Variants in ARIH1 observed in about 807,000 individuals in gnomAD.
The protein encoded by ARIH1 is E3 ubiquitin-protein ligase ARIH1.
ARIH1 carries 8 observed loss-of-function variants against 85.0 expected under a neutral mutation model. The observed-to-expected ratio is 0.09, with a 90% CI of 0.06 to 0.17. The LOEUF is 0.17. Ranked by LOEUF, ARIH1 falls within the 10% of genes least tolerant of loss-of-function variation. The pLI, the probability that ARIH1 is intolerant of heterozygous loss-of-function variation, is 1.00. For synonymous variants in ARIH1, 238 were observed against 253.6 expected (o/e 0.94, Z 0.59); for missense variants, 311 against 718.1 (o/e 0.43, Z 6.48).
At chr15:72,521,275 A>AGAATATATCCTGTAATATAAATTGTTTC (rs2063998816) in intron 2 of ARIH1, among the ~76,000 whole-genome samples, 1 of 124,018 alleles carries the variant, frequency 8.1e-6, no homozygotes, top group East Asian at 2.5e-4. Context: ...TGTTTTTCTT[A>AGAATATATCCTGTAATATAAATTGTTTC]GAATATATCC....
At chr15:72,520,338 C>G (rs1209697230) in intron 2 of ARIH1, among the ~76,000 whole-genome samples, 1 of 150,966 alleles carries the variant, frequency 6.6e-6, no homozygotes, top group Non-Finnish European at 1.5e-5. Flanking sequence ...ATGTTGTCTG[C>G]TATTAGCACT....
At chr15:72,529,695 C>T (rs767934667) in intron 2 of ARIH1, among the ~76,000 whole-genome samples, 1 of 152,028 alleles carries the variant, frequency 6.6e-6, no homozygotes, top group Non-Finnish European at 1.5e-5. Flanking sequence ...TGAGGTGTGG[C>T]ATTTGATTGG....
At chr15:72,516,813 C>T (rs766434650) in intron 1 of ARIH1, among the ~76,000 whole-genome samples, 7 of 152,162 alleles carry the variant, frequency 4.6e-5, no homozygotes, top group Non-Finnish European at 8.8e-5. Context: ...TAGCTAACTA[C>T]GGTCTGCTTG....
rs548218462 is a variant in ARIH1, at chr15:72,520,369, A to T, written c.443+2235A>T. On this transcript the variant is annotated intron_variant, in intron 2 of 13. Transcript: ENST00000379887. The stretch of plus-strand genomic sequence containing the variant: ...GCACTGCCACACTTTTTTTTTTTTT[A>T]AAGCATTTGACTGATGTATCTTTTC... 2.2e-4 allele frequency among the ~76,000 whole-genome samples: 33 copies of T among 147,660 alleles called. No homozygotes were observed. The East Asian group carries it at 5.7e-3, about 26-fold the overall frequency.
chr15:72,476,754 C>G (rs557247179), intron 1 of ARIH1, among the ~76,000 whole-genome samples: 1 of 152,132 alleles, frequency 6.6e-6, no homozygotes, highest in Non-Finnish European at 1.5e-5. Context: ...CAACAAAATG[C>G]GAACTGTAGT....
chr15:72,554,714 T>C (rs1263057694), intron 3 of ARIH1, among the ~76,000 whole-genome samples: 1 of 152,140 alleles, frequency 6.6e-6, no homozygotes, highest in Non-Finnish European at 1.5e-5. Flanking sequence ...ATAGCTGTTC[T>C]AGTGAGGGTG....
At chr15:72,498,960 A>AT (rs1567340058) in intron 1 of ARIH1, among the ~76,000 whole-genome samples, 1 of 131,208 alleles carries the variant, frequency 7.6e-6, no homozygotes, top group African/African-American at 3.0e-5. Context: ...CCTTTTCATA[A>AT]ATTTTTTTTT....
At chr15:72,559,618 A>G (rs1396127738) in intron 5 of ARIH1, among the ~76,000 whole-genome samples, 1 of 152,152 alleles carries the variant, frequency 6.6e-6, no homozygotes, top group South Asian at 2.1e-4. Flanking sequence ...TAGTATATAC[A>G]TAATATTATT....
Position 72,585,106 on chromosome 15 carries a change from C to T in ARIH1, c.*1814C>T, listed in dbSNP as rs989748120. On this transcript the variant is annotated 3_prime_UTR_variant, in exon 14 of 14. Coordinates refer to ENST00000379887, the MANE Select transcript of ARIH1 (RefSeq NM_005744.5). ...CTAAGTTAGGCTTTGCTGAATCAAC[C>T]CTACTTTTCCTTTTAGAAAAGGTTG... is the stretch of plus-strand genomic sequence containing the variant. 1.5e-4 allele frequency: 23 copies of T among 152,076 alleles called. No homozygotes were observed. The highest frequency in any genetic ancestry group is 1.3e-3 in the Admixed American group (20 of 15,244). The allele number at this position is 152,076 out of a possible 1,614,324, so 9.4% of individuals were successfully genotyped here.
In ARIH1 at chr15:72,570,424, G is replaced by A. The variant is rs949831567; in HGVS notation, c.1157+117G>A. ...AACTTGCAAGCTAAATAAATACATA[G>A]TGTGTGATTAATGTTATAAGTCTAT... On this transcript the variant is annotated intron_variant, in intron 10 of 13. Transcript: ENST00000379887. The A allele has an allele frequency of 1.0e-5, 13 of 1,253,714 alleles. No homozygotes were observed. The African/African-American group carries it at 1.2e-4, about 12-fold the overall frequency. The allele number at this position is 1,253,714 out of a possible 1,614,324, so 77.7% of individuals were successfully genotyped here.
chr15:72,550,616 T>C (rs1289749948), intron 3 of ARIH1, among the ~76,000 whole-genome samples: 1 of 152,210 alleles, frequency 6.6e-6, no homozygotes, highest in Non-Finnish European at 1.5e-5. Context: ...AAGCTTGATA[T>C]TTATTTTACA....
intron 11 of ARIH1, among the ~76,000 whole-genome samples, chr15:72,577,318 T>C (rs2064276132): frequency 6.6e-6 from 1 of 152,060 alleles, no homozygotes; most frequent in South Asian, 2.1e-4. Context: ...TGAAGTATGC[T>C]AGGAAAAAAG....
intron 9 of ARIH1, among the ~76,000 whole-genome samples, chr15:72,568,860 G>A: frequency 6.6e-6 from 1 of 152,086 alleles, no homozygotes; most frequent in Non-Finnish European, 1.5e-5. Context: ...TCATTGATGG[G>A]CAGCATAGTC....
At chr15:72,578,432 C>T (rs1002667702) in intron 11 of ARIH1, among the ~76,000 whole-genome samples, 2 of 152,030 alleles carry the variant, frequency 1.3e-5, no homozygotes, top group African/African-American at 4.8e-5. Flanking sequence ...GTTTACATTT[C>T]TCTCAATGTG....
At chr15:72,546,940 G>A (rs78490143) in intron 3 of ARIH1, among the ~76,000 whole-genome samples, 1 of 19,024 alleles carries the variant, frequency 5.3e-5, no homozygotes, top group African/African-American at 5.7e-5. Flanking sequence ...TTGGAGGGGG[G>A]GGGGTGGGAC....
chr15:72,518,155 C>A, intron 2 of ARIH1, 21 bp downstream of exon 2: 1 of 1,574,986 alleles, frequency 6.3e-7, no homozygotes, highest in Non-Finnish European at 8.7e-7. Flanking sequence ...ATATTGTCAG[C>A]TTTGTACTTA....
intron 2 of ARIH1, among the ~76,000 whole-genome samples, chr15:72,519,475 G>GTGTTTTTTTTTTTTTTTTTTTTTTTTT (rs2063989343): frequency 1.6e-5 from 1 of 62,544 alleles, no homozygotes; most frequent in African/African-American, 6.5e-5. Flanking sequence ...TGTTTTTTTT[G>GTGTTTTTTTTTTTTTTTTTTTTTTTTT]TTTTTTTTTT....
intron 5 of ARIH1, among the ~76,000 whole-genome samples, chr15:72,559,261 G>T (rs958379698): frequency 1.1e-4 from 17 of 151,554 alleles, no homozygotes; most frequent in South Asian, 2.1e-4. Flanking sequence ...AAGCAATGGG[G>T]TTTTTTTTGT....
intron 7 of ARIH1, among the ~76,000 whole-genome samples, chr15:72,564,833 G>T (rs564721068): frequency 1.6e-3 from 240 of 152,208 alleles, no homozygotes; most frequent in Middle Eastern, 0.01. Context: ...AAAGGACAAG[G>T]CAGCTCTCTG....
Sources: allele counts gnomAD v4.1 joint callset (sites outside exome capture counted in the v4.1 genomes callset), GRCh38; gene constraint gnomAD v4.1.1; transcripts MANE v1.5; gene names NCBI Gene and HGNC (gene_info 2026-07-23, HGNC 2026-07-21).